Variants in KIF14 observed in about 807,000 individuals in gnomAD.
KIF14 encodes the protein kinesin family member 14, also known as kinesin-like protein KIF14.
A neutral mutation model predicts 176.2 loss-of-function variants in KIF14; 98 were observed. The observed-to-expected ratio is 0.56, with a 90% CI of 0.47 to 0.66. The LOEUF is 0.66. Among genes scored for constraint, KIF14 ranks in the 30% least tolerant of loss-of-function variants. The pLI is 0.00. For missense variants in KIF14, 1,751 were observed against 1,920.4 expected, an observed-to-expected ratio of 0.91 and a Z score of 1.65; for synonymous variants, 566 against 632.2, an observed-to-expected ratio of 0.90 and a Z score of 1.57.
In KIF14 at chr1:200,601,947, T is replaced by C; in HGVS notation, c.2101A>G (p.Ile701Val). The change falls in exon 11 of 30, where the codon ATA becomes GTA. Residue 701 changes from isoleucine (I) to valine (V), a missense_variant. Coordinates refer to ENST00000367350, the MANE Select transcript of KIF14 (RefSeq NM_014875.3). ...TCATTTACTTTAGCAATGTTGACTATTAAACGGGCTTGGTTAGCATATCTA... is the reference window on the plus strand; with the variant it reads ...TCATTTACTTTAGCAATGTTGACTACTAAACGGGCTTGGTTAGCATATCTA... ...TLRYANQARL[I>V]VNIAKVNEDM... is the part of the protein sequence containing the mutation. 1 of 1,613,750 alleles carries C rather than the reference T, an allele frequency of 6.2e-7. No homozygotes were observed. Among genetic ancestry groups the C allele is most frequent in the Non-Finnish European group, 8.5e-7 (1 of 1,179,752 alleles).
intron 18 of KIF14, among the ~76,000 whole-genome samples, chr1:200,587,708 C>T (rs961470549): frequency 7.9e-5 from 12 of 152,150 alleles, no homozygotes; most frequent in African/African-American, 1.2e-4. Flanking sequence ...CCCAGCTACT[C>T]GGGAGGCTGA....
chr1:200,595,829 G>A (rs1659305163), intron 14 of KIF14, among the ~76,000 whole-genome samples: 1 of 150,942 alleles, frequency 6.6e-6, no homozygotes. Context: ...CTACTCAGGA[G>A]GCTGAGGCAC....
At chr1:200,613,301 G>C (rs1303991615) in intron 4 of KIF14, among the ~76,000 whole-genome samples, 1 of 152,108 alleles carries the variant, frequency 6.6e-6, no homozygotes, top group Non-Finnish European at 1.5e-5. Flanking sequence ...CTTGGTACAT[G>C]CTGCTCCCTC....
intron 4 of KIF14, among the ~76,000 whole-genome samples, chr1:200,609,642 C>G (rs1168126584): frequency 6.6e-6 from 1 of 152,128 alleles, no homozygotes; most frequent in Non-Finnish European, 1.5e-5. Flanking sequence ...GAGTGAGACT[C>G]CATCTCAAAA....
At position 200,581,252 on chromosome 1, in the gene KIF14, T is replaced by A. The variant is rs1227511945; in HGVS notation, c.3284A>T (p.Gln1095Leu). 6.2e-7 allele frequency: 1 copy of A among 1,605,042 alleles called. No individual in the cohort carries two copies. The highest frequency in any genetic ancestry group is 2.3e-5 in the East Asian group (1 of 44,398). The change falls in exon 20 of 30, where the codon CAG (glutamine) becomes CTG (leucine). Residue 1095 changes from glutamine to leucine, a missense_variant. Coordinates refer to ENST00000367350, the MANE Select transcript of KIF14 (RefSeq NM_014875.3). ...WSSMKLSMMIQEANAISSKLK... is the reference protein window; with the variant it reads ...WSSMKLSMMILEANAISSKLK... ...TTTGCTGCTGATAGCATTGGCTTCC[T>A]GAATCATCATTGAGAGTTTCATAGA...
At chr1:200,606,644 A>C (rs1659894914) in intron 6 of KIF14, 102 bp downstream of exon 6, 2 of 1,033,854 alleles carry the variant, frequency 1.9e-6, no homozygotes, top group South Asian at 1.3e-5. Context: ...AGGGTTTCAA[A>C]GTTAGGAAGG....
At chr1:200,592,667 A>G (rs1184404306) in intron 15 of KIF14, among the ~76,000 whole-genome samples, 5 of 152,238 alleles carry the variant, frequency 3.3e-5, no homozygotes, top group African/African-American at 1.2e-4. Flanking sequence ...CAAACACTGC[A>G]TTAAGCACAT....
intron 15 of KIF14, 110 bp downstream of exon 15, chr1:200,593,557 C>T: frequency 1.3e-6 from 1 of 747,400 alleles, no homozygotes; most frequent in South Asian, 1.6e-5. Flanking sequence ...TGAAAAAGTC[C>T]TTAATCTGCT....
Position 200,607,848 on chromosome 1 carries a change from G to A in KIF14, c.1554+982C>T, listed in dbSNP as rs369606215. 2.7e-3 allele frequency among the ~76,000 whole-genome samples: 417 copies of A among 152,008 alleles called. 3 individuals are homozygous for A. Among genetic ancestry groups the A allele is most frequent in the African/African-American group, 9.6e-3 (399 of 41,438 alleles). On this transcript the variant is annotated intron_variant, in intron 5 of 29. Coordinates refer to ENST00000367350, the MANE Select transcript of KIF14 (RefSeq NM_014875.3). The stretch of plus-strand genomic sequence containing the variant: ...CCTGAGTAGCTGGGACTACAGGCAC[G>A]CGCCACCATGCCAAGCTAATTTTTG...
intron 22 of KIF14, among the ~76,000 whole-genome samples, chr1:200,573,934 C>T (rs1199374947): frequency 2.0e-5 from 3 of 152,102 alleles, no homozygotes; most frequent in Non-Finnish European, 4.4e-5. Flanking sequence ...AATGGAGAGG[C>T]GATACGGCAT....
At chr1:200,603,729 T>A in intron 9 of KIF14, 110 bp downstream of exon 9, 1 of 682,688 alleles carries the variant, frequency 1.5e-6, no homozygotes, top group Non-Finnish European at 2.6e-6. Flanking sequence ...GTCTATAAAC[T>A]GCAGATAAAG....
intron 14 of KIF14, among the ~76,000 whole-genome samples, chr1:200,594,085 C>T (rs1023897798): frequency 2.0e-5 from 3 of 151,840 alleles, no homozygotes; most frequent in African/African-American, 7.3e-5. Flanking sequence ...CACCCACCAC[C>T]ATGCCCTGCC....
intron 26 of KIF14, 76 bp downstream of exon 26, chr1:200,560,646 G>A (rs1294894006): frequency 7.0e-6 from 10 of 1,436,704 alleles, no homozygotes; most frequent in Admixed American, 3.6e-5. Flanking sequence ...AACTTGCCAT[G>A]TTTAGTACTG....
intron 6 of KIF14, 117 bp downstream of exon 6, chr1:200,606,629 T>A (rs1313377956): frequency 2.1e-5 from 18 of 871,658 alleles, no homozygotes; most frequent in Non-Finnish European, 3.5e-5. Context: ...AATAAATAGT[T>A]ACCCAGGGTT....
At chr1:200,578,640 A>G (rs562791653) in intron 21 of KIF14, among the ~76,000 whole-genome samples, 1 of 152,242 alleles carries the variant, frequency 6.6e-6, no homozygotes, top group Non-Finnish European at 1.5e-5. Context: ...CTGGAATAAT[A>G]GATGGATTCA....
intron 4 of KIF14, among the ~76,000 whole-genome samples, chr1:200,613,423 T>C (rs1321245117): frequency 1.3e-5 from 2 of 152,220 alleles, no homozygotes; most frequent in African/African-American, 2.4e-5. Context: ...CAACTTTATA[T>C]GTCCTCACTT....
intron 22 of KIF14, among the ~76,000 whole-genome samples, chr1:200,574,937 A>ATTTTTTTTTTTTTTTTTTTTTT (rs35584654): frequency 9.0e-6 from 1 of 110,682 alleles, no homozygotes; most frequent in African/African-American, 3.4e-5. Flanking sequence ...AGAAAGGGTA[A>ATTTTTTTTTTTTTTTTTTTTTT]TTTTTTTTTT....
chr1:200,596,933 TCA>T (rs1252510947), intron 14 of KIF14, among the ~76,000 whole-genome samples: 1 of 143,626 alleles, frequency 7.0e-6, no homozygotes, highest in African/African-American at 2.6e-5. Flanking sequence ...TCTCGCTCTG[TCA>T]CTCAGGCTGA....
chr1:200,558,074 G>A (rs1656930105), intron 27 of KIF14, among the ~76,000 whole-genome samples: 1 of 152,228 alleles, frequency 6.6e-6, no homozygotes, highest in Admixed American at 6.5e-5. Context: ...TCCTGCCTCA[G>A]CCTCCGGAGT....
Sources: gnomAD v4.1 joint callset for allele counts (sites outside exome capture counted in the v4.1 genomes callset) on GRCh38, gnomAD v4.1.1 for gene constraint, MANE v1.5 for transcripts, NCBI Gene and HGNC (gene_info 2026-07-23, HGNC 2026-07-21) for gene names.